BBC3: variants seen among roughly 807,000 people sequenced by gnomAD.
The protein encoded by BBC3 is bcl-2-binding component 3.
A neutral mutation model predicts 18.2 loss-of-function variants in BBC3; 5 were observed. The observed-to-expected ratio is 0.27, with a 90% CI of 0.14 to 0.58. The LOEUF (loss-of-function observed/expected upper bound fraction) is 0.58, where lower values mean the gene tolerates loss of function less well. Ranked by LOEUF, BBC3 falls within the 20% of genes least tolerant of loss-of-function variation. The pLI, the probability that BBC3 is intolerant of heterozygous loss-of-function variation, is 0.91. For synonymous variants in BBC3, 119 were observed against 128.0 expected (o/e 0.93, Z 0.47); for missense variants, 224 against 268.9 (o/e 0.83, Z 1.17).
upstream of BBC3, chr19:47,232,449 GTGACAGCTTCT>G (rs2058923547): frequency 4.2e-6 from 6 of 1,428,726 alleles, no homozygotes; most frequent in African/African-American, 1.4e-5. Flanking sequence ...AGTCACACCT[GTGACAGCTTCT>G]TGCTAACTGG....
Position 47,230,408 on chromosome 19 carries a change from C to A in BBC3, c.-16+521G>T, listed in dbSNP as rs951685873. ...CCCCCTCCGCTGTCACAGCCCCCCC[C>A]ACCGCCGCCACGTGCGCCCGCCCCG... On this transcript the variant is annotated intron_variant, in intron 1 of 3. Coordinates refer to ENST00000439096, the MANE Select transcript of BBC3 (RefSeq NM_014417.5). This position sits in a 1 kb window ranked among gnomAD's most constrained non-coding sequence, Gnocchi z 6.7. 1.3e-5 allele frequency among the ~76,000 whole-genome samples: 2 copies of A among 151,296 alleles called. No individual in the cohort carries two copies. The highest frequency in any genetic ancestry group is 3.0e-5 in the Non-Finnish European group (2 of 67,390).
intron 3 of BBC3, among the ~76,000 whole-genome samples, chr19:47,224,730 T>C (rs1466516339): frequency 1.7e-5 from 2 of 119,694 alleles, no homozygotes; most frequent in African/African-American, 3.6e-5. Flanking sequence ...TGAAAATGAC[T>C]TTTTTTTTTT....
Position 47,221,748 on chromosome 19 carries a change from G to A in BBC3, c.*54C>T. The A allele has an allele frequency of 6.2e-7, 1 of 1,605,282 alleles. No individual in the cohort carries two copies. The highest frequency in any genetic ancestry group is 8.5e-7 in the Non-Finnish European group (1 of 1,177,686). ...CCCGCGCTGGCCAGGGTGTCAGGAG[G>A]TGGGAGGGGCCTGCCCCCCGAGTCC... On this transcript the variant is annotated 3_prime_UTR_variant, in exon 4 of 4. Transcript: ENST00000439096.
Position 47,228,557 on chromosome 19 carries a change from A to C in BBC3, c.-15-111T>G. The C allele has an allele frequency of 1.9e-6, 2 of 1,062,166 alleles. No homozygotes were observed. Among genetic ancestry groups the C allele is most frequent in the Middle Eastern group, 3.5e-4 (1 of 2,896 alleles). The allele number at this position is 1,062,166 out of a possible 1,614,324, so 65.8% of individuals were successfully genotyped here. ...TGGAGAAGAGTGGAGGTGTGTGTGCATGCGGAGGGGGTGACGGCCCCACAG... is the reference window on the plus strand; with the variant it reads ...TGGAGAAGAGTGGAGGTGTGTGTGCCTGCGGAGGGGGTGACGGCCCCACAG... On this transcript the variant is annotated intron_variant, in intron 1 of 3. Coordinates refer to ENST00000439096, the MANE Select transcript of BBC3 (RefSeq NM_014417.5). This position sits in a 1 kb window ranked among gnomAD's most constrained non-coding sequence, Gnocchi z 5.5.
chr19:47,231,951 C>G (rs1432041528), upstream of BBC3, among the ~76,000 whole-genome samples: 1 of 152,226 alleles, frequency 6.6e-6, no homozygotes, highest in Non-Finnish European at 1.5e-5. This position sits in a 1 kb window ranked among gnomAD's most constrained non-coding sequence, Gnocchi z 4.0. Flanking sequence ...CACACAGACA[C>G]CTGTTACAGG....
At chr19:47,232,703 C>T (rs916999122), upstream of BBC3, 105 of 1,100,828 alleles carry the variant, frequency 9.5e-5, no homozygotes, top group African/African-American at 2.7e-4. Context: ...TTTCCAAAGC[C>T]GTGGATTCCT....
chr19:47,221,742 C>G lies in BBC3; in HGVS notation c.*60G>C, dbSNP rs772912619. 1.9e-6 allele frequency: 3 copies of G among 1,604,328 alleles called. No individual in the cohort carries two copies. The South Asian group carries it at 3.3e-5, about 18-fold the overall frequency. On this transcript the variant is annotated 3_prime_UTR_variant, in exon 4 of 4. Coordinates refer to ENST00000439096, the MANE Select transcript of BBC3 (RefSeq NM_014417.5). ...AAGTCCCCCGCGCTGGCCAGGGTGT[C>G]AGGAGGTGGGAGGGGCCTGCCCCCC...
rs2058897813 is a variant in BBC3 at position 47,230,485 on chromosome 19, C to T, written c.-16+444G>A. Among the ~76,000 whole-genome samples the T allele has an allele frequency of 1.3e-5, 2 of 151,138 alleles. No homozygotes were observed. The highest frequency in any genetic ancestry group is 2.1e-4 in the South Asian group (1 of 4,830). On this transcript the variant is annotated intron_variant, in intron 1 of 3. Transcript: ENST00000439096. This position sits in a 1 kb window ranked among gnomAD's most constrained non-coding sequence, Gnocchi z 6.7. ...ACCGGCTGTTGCTGGGGCGCAGCCC[C>T]CGCCCGCAGGAGCCGCAGACTCCAC... is the stretch of plus-strand genomic sequence containing the variant.
At chr19:47,223,534 T>C (rs1249444951) in intron 3 of BBC3, among the ~76,000 whole-genome samples, 1 of 152,090 alleles carries the variant, frequency 6.6e-6, no homozygotes, top group East Asian at 1.9e-4. Context: ...ACCACTGCAC[T>C]CCAGCCTGGG....
chr19:47,225,634 G>T (rs1350603860), intron 3 of BBC3, among the ~76,000 whole-genome samples: 1 of 152,178 alleles, frequency 6.6e-6, no homozygotes, highest in South Asian at 2.1e-4. Flanking sequence ...TGGGATTACA[G>T]GAGTGAGCCA....
rs10647392 is a variant in BBC3, at chr19:47,221,426, G to GCCC, written c.*373_*375dup. 6.4e-3 allele frequency: 1,093 copies of GCCC among 169,790 alleles called. 160 individuals carry two copies. Among genetic ancestry groups the GCCC allele is most frequent in the East Asian group, 0.028 (102 of 3,692 alleles). The allele number at this position is 169,790 out of a possible 1,614,324, so 10.5% of individuals were successfully genotyped here. A position where few individuals can be genotyped will look rare whatever the true frequency, so the allele number is the denominator to read the frequency against. ...AGAGTGAAGGAGCACCGAGAGGAGA[G>GCCC]CCCCCCCCTCCCAGTGTCACCCCTG... On this transcript the variant is annotated 3_prime_UTR_variant, in exon 4 of 4. Coordinates refer to ENST00000439096, the MANE Select transcript of BBC3 (RefSeq NM_014417.5).
At position 47,226,961 on chromosome 19, in the gene BBC3, C is replaced by T. The variant is rs893132130; in HGVS notation, c.275-207G>A. On this transcript the variant is annotated intron_variant, in intron 2 of 3. Coordinates refer to ENST00000439096, the MANE Select transcript of BBC3 (RefSeq NM_014417.5). ...GCCGCTCTGGGGTCACCTGTCTGGCCAGCTACGTCCCCACGGCCCTTGTCA... is the reference window on the plus strand; with the variant it reads ...GCCGCTCTGGGGTCACCTGTCTGGCTAGCTACGTCCCCACGGCCCTTGTCA... 4.4e-5 allele frequency: 20 copies of T among 449,510 alleles called. 1 individual carries two copies. The Middle Eastern group carries it at 8.9e-4, about 20-fold the overall frequency. 27.8% of individuals were successfully genotyped at this position (449,510 alleles called of 1,614,324 possible).
At chr19:47,226,925 T>C (rs1264015815) in intron 2 of BBC3, 171 bp from the exon 3 acceptor site, 1 of 577,156 alleles carries the variant, frequency 1.7e-6, no homozygotes, top group South Asian at 3.1e-5. Flanking sequence ...AAGCAAGAAG[T>C]ACCTGGGGAC....
At chr19:47,232,617 T>C (rs1296914622), upstream of BBC3, 8 of 1,522,436 alleles carry the variant, frequency 5.3e-6, no homozygotes, top group African/African-American at 1.4e-5. Context: ...TCTCATAGCT[T>C]TCCATTCCGT....
intron 3 of BBC3, among the ~76,000 whole-genome samples, chr19:47,222,963 C>CAAAA (rs763480070): frequency 8.3e-5 from 5 of 60,460 alleles, no homozygotes; most frequent in African/African-American, 2.1e-4. Flanking sequence ...AACTCTGTCT[C>CAAAA]AAAAAAAAAA....
intron 3 of BBC3, among the ~76,000 whole-genome samples, chr19:47,225,920 G>C (rs567919418): frequency 6.6e-6 from 1 of 152,204 alleles, no homozygotes; most frequent in African/African-American, 2.4e-5. Flanking sequence ...CACCACATGC[G>C]TTTCTGCGGT....
Position 47,230,770 on chromosome 19 carries a change from C to T in BBC3, c.-16+159G>A. ...CAACGCCGAGCCGCCTCTCACCCGGCGACCCTGGCCCAGGGTCCCTCGCGG... is the reference window on the plus strand; with the variant it reads ...CAACGCCGAGCCGCCTCTCACCCGGTGACCCTGGCCCAGGGTCCCTCGCGG... On this transcript the variant is annotated intron_variant, in intron 1 of 3. Coordinates refer to ENST00000439096, the MANE Select transcript of BBC3 (RefSeq NM_014417.5). This position sits in a 1 kb window ranked among gnomAD's most constrained non-coding sequence, Gnocchi z 6.7. The T allele has an allele frequency of 1.0e-6, 1 of 985,232 alleles. No homozygotes were observed. The highest frequency in any genetic ancestry group is 4.7e-5 in the South Asian group (1 of 21,288). The allele number at this position is 985,232 out of a possible 1,614,324, so 61.0% of individuals were successfully genotyped here. A position where few individuals can be genotyped will look rare whatever the true frequency, so the allele number is the denominator to read the frequency against.
In BBC3 at chr19:47,226,659, G is replaced by C; in HGVS notation, c.370C>G (p.Pro124Ala). 1 of 1,528,190 alleles carries C rather than the reference G, an allele frequency of 6.5e-7. No individual in the cohort carries two copies. Among genetic ancestry groups the C allele is most frequent in the Non-Finnish European group, 8.8e-7 (1 of 1,138,544 alleles). 94.7% of individuals were successfully genotyped at this position (1,528,190 alleles called of 1,614,324 possible). ...ALAGGPTQAAPGVRGEEEQWA... is the reference protein window; with the variant it reads ...ALAGGPTQAAAGVRGEEEQWA... Reference sequence around the variant, plus strand: ...TGTTCCTCCTCCCCGCGGACTCCCGGGGCCGCCTGGGTGGGACCGCCCGCC... The same window carrying C: ...TGTTCCTCCTCCCCGCGGACTCCCGCGGCCGCCTGGGTGGGACCGCCCGCC... Residue 124 changes from proline to alanine, a missense_variant, in exon 3 of 4, where the codon CCG becomes GCG. Coordinates refer to ENST00000439096, the MANE Select transcript of BBC3 (RefSeq NM_014417.5).
rs1020658981 is a variant in BBC3, at chr19:47,228,110, C to G, written c.274+48G>C. On this transcript the variant is annotated intron_variant, in intron 2 of 3. Coordinates refer to ENST00000439096, the MANE Select transcript of BBC3 (RefSeq NM_014417.5). The surrounding 1 kb of genome is among the most constrained non-coding windows in gnomAD (Gnocchi z 5.5). ...CTCCAGTTCCTCCGAGTCTCCAGCC[C>G]TCTCTCTTCCCGGCTCCTATCACCC... 1 of 1,214,370 alleles carries G rather than the reference C, an allele frequency of 8.2e-7. No homozygotes were observed. The highest frequency in any genetic ancestry group is 4.2e-5 in the Admixed American group (1 of 23,940). 75.2% of individuals were successfully genotyped at this position (1,214,370 alleles called of 1,614,324 possible).
Sources: allele counts gnomAD v4.1 joint callset (sites outside exome capture counted in the v4.1 genomes callset), GRCh38; gene constraint gnomAD v4.1.1; non-coding constraint Gnocchi (gnomAD v3.1); transcripts MANE v1.5; gene names NCBI Gene and HGNC (gene_info 2026-07-23, HGNC 2026-07-21).